Variants in SCN10A observed in about 807,000 individuals in gnomAD.
The protein encoded by SCN10A is sodium voltage-gated channel alpha subunit 10, also known as sodium channel protein type 10 subunit alpha.
SCN10A carries 162 observed loss-of-function variants against 170.7 expected under a neutral mutation model. The ratio of observed to expected loss-of-function variants is 0.95; its 90% confidence interval spans 0.84 to 1.08. The LOEUF (loss-of-function observed/expected upper bound fraction) is 1.08. Ranked by LOEUF, SCN10A falls within the 50% of genes least tolerant of loss-of-function variation. The pLI, the probability that SCN10A is intolerant of heterozygous loss-of-function variation, is 0.00. For missense variants in SCN10A, 2,527 were observed against 2,436.9 expected, an observed-to-expected ratio of 1.04 and a Z score of -0.78; for synonymous variants, 985 against 904.6, an observed-to-expected ratio of 1.09 and a Z score of -1.59.
rs1443123896 is a variant in SCN10A at position 38,792,079 on chromosome 3, T to C, written c.360A>G (p.Arg120=). 2.5e-6 allele frequency: 4 copies of C among 1,613,786 alleles called. No individual in the cohort carries two copies. Reference sequence around the variant, plus strand: ...GGACAGACACTTTGATGGCCGTTCTTCTGATCAGGTTGAAAGGACTGAATA... The same window carrying C: ...GGACAGACACTTTGATGGCCGTTCTCCTGATCAGGTTGAAAGGACTGAATA... The part of the protein sequence containing the change: ...LWLFSPFNLI[R]RTAIKVSVHS... Residue 120 remains arginine, a synonymous_variant, in exon 3 of 28, where the codon AGA becomes AGG. Coordinates refer to ENST00000449082, the MANE Select transcript of SCN10A (RefSeq NM_006514.4).
In SCN10A at chr3:38,788,601, T is replaced by A. The variant is rs1030158501; in HGVS notation, c.470+355A>T. Among the ~76,000 whole-genome samples the A allele has an allele frequency of 4.5e-5, 6 of 133,700 alleles. 1 individual carries two copies. Among genetic ancestry groups the A allele is most frequent in the Admixed American group, 2.5e-4 (3 of 12,090 alleles). 87.7% of individuals were successfully genotyped at this position (133,700 alleles called of 152,430 possible). A position where few individuals can be genotyped will look rare whatever the true frequency, so the allele number is the denominator to read the frequency against. ...TACATTTGTGTGTGCATCTAGCAGG[T>A]GAGTGAGTGTGTGTGTGTTGGGGGG... is the stretch of plus-strand genomic sequence containing the variant. On this transcript the variant is annotated intron_variant, in intron 4 of 27. Coordinates refer to ENST00000449082, the MANE Select transcript of SCN10A (RefSeq NM_006514.4).
rs763004187 is a variant in SCN10A, at chr3:38,757,001, G to A, written c.1092+17C>T. On this transcript the variant is annotated intron_variant, in intron 9 of 27. Coordinates refer to ENST00000449082, the MANE Select transcript of SCN10A (RefSeq NM_006514.4). ...CAGCCTCCAACCAAGTCTGCGTGGGGGAATGCAGCTCAGTACCTGCTGGTA... is the reference window on the plus strand; with the variant it reads ...CAGCCTCCAACCAAGTCTGCGTGGGAGAATGCAGCTCAGTACCTGCTGGTA... 10 of 1,604,986 alleles carry A rather than the reference G, an allele frequency of 6.2e-6. No individual in the cohort carries two copies. The highest frequency in any genetic ancestry group is 8.5e-6 in the Non-Finnish European group (10 of 1,175,718).
In SCN10A at chr3:38,697,112, G is replaced by A. The variant is rs1301094950; in HGVS notation, c.*237C>T. On this transcript the variant is annotated 3_prime_UTR_variant, in exon 28 of 28. Transcript: ENST00000449082. ...TGGAGAGTAAGAGAACCCATGATCT[G>A]ATATTGAAATTCAGAAGGGAAATCA... is the stretch of plus-strand genomic sequence containing the variant. 6 of 567,138 alleles carry A rather than the reference G, an allele frequency of 1.1e-5. No homozygotes were observed. The highest frequency in any genetic ancestry group is 3.1e-5 in the Admixed American group (1 of 32,308). 35.1% of individuals were successfully genotyped at this position (567,138 alleles called of 1,614,324 possible).
At chr3:38,797,435 C>A (rs568735235) in intron 1 of SCN10A, among the ~76,000 whole-genome samples, 2 of 152,154 alleles carry the variant, frequency 1.3e-5, no homozygotes, top group Non-Finnish European at 2.9e-5. Context: ...TCTCCTCCTG[C>A]CTATTTGTAG....
intron 5 of SCN10A, among the ~76,000 whole-genome samples, chr3:38,769,352 C>T (rs2063972708): frequency 6.6e-6 from 1 of 150,460 alleles, no homozygotes; most frequent in Admixed American, 6.7e-5. Flanking sequence ...AATTCTCCTG[C>T]CTCAGTCTCC....
At chr3:38,701,721 C>A in intron 27 of SCN10A, 118 bp downstream of exon 27, 1 of 947,584 alleles carries the variant, frequency 1.1e-6, no homozygotes, top group Non-Finnish European at 1.6e-6. Flanking sequence ...ATACAGGGTT[C>A]TTCTAACATA....
chr3:38,760,721 T>C lies in SCN10A; in HGVS notation c.910A>G (p.Thr304Ala). The C allele has an allele frequency of 1.2e-6, 2 of 1,614,018 alleles. No homozygotes were observed. The highest frequency in any genetic ancestry group is 3.3e-4 in the Middle Eastern group (2 of 6,062). Residue 304 changes from threonine to alanine, a missense_variant, in exon 8 of 28, where the codon ACT becomes GCT. Coordinates refer to ENST00000449082, the MANE Select transcript of SCN10A (RefSeq NM_006514.4). ...KPDIYINKRG[T>A]SDPLLCGNGS... The stretch of plus-strand genomic sequence containing the variant: ...TTGCCACACAGTAAGGGGTCAGAAG[T>C]GCCTCGCTTATTTATGTAGATATCT...
At chr3:38,713,225 T>G (rs1435535929) in intron 22 of SCN10A, among the ~76,000 whole-genome samples, 1 of 152,008 alleles carries the variant, frequency 6.6e-6, no homozygotes, top group Non-Finnish European at 1.5e-5. Context: ...AGGGAAAAAT[T>G]TACAGGACCT....
intron 4 of SCN10A, among the ~76,000 whole-genome samples, chr3:38,785,079 T>C (rs1017839484): frequency 8.5e-5 from 13 of 152,200 alleles, no homozygotes; most frequent in African/African-American, 3.1e-4. Flanking sequence ...ATAGATTCAA[T>C]GTTATCCCCA....
chr3:38,767,984 A>G (rs897367155), intron 5 of SCN10A, among the ~76,000 whole-genome samples: 1 of 152,068 alleles, frequency 6.6e-6, no homozygotes, highest in African/African-American at 2.4e-5. Flanking sequence ...TTTTATCATT[A>G]TATATGTCCC....
intron 1 of SCN10A, among the ~76,000 whole-genome samples, chr3:38,795,195 G>A (rs1413400801): frequency 6.6e-6 from 1 of 151,954 alleles, no homozygotes; most frequent in African/African-American, 2.4e-5. Flanking sequence ...TCTACTCACT[G>A]TTTCCAGTCA....
At chr3:38,764,987 A>G (rs7610489) in intron 5 of SCN10A, among the ~76,000 whole-genome samples, 112,943 of 152,106 alleles carry the variant, frequency 0.74, 42,476 homozygotes, top group East Asian at 0.86. Context: ...TTTCCTGTTC[A>G]TTGGCCATTT....
chr3:38,697,907 G>T lies in SCN10A; in HGVS notation c.5313C>A (p.Leu1771=). 1 of 1,614,104 alleles carries T rather than the reference G, an allele frequency of 6.2e-7. No homozygotes were observed. The highest frequency in any genetic ancestry group is 1.1e-5 in the South Asian group (1 of 91,070). Residue 1771 remains leucine, a synonymous_variant, in exon 28 of 28, where the codon CTC becomes CTA. Transcript: ENST00000449082. ...FSALSDFADT[L]SGPLRIPKPN... Reference sequence around the variant, plus strand: ...GTTTTGGGATTCTCAGGGGACCAGAGAGAGTGTCTGCAAAGTCCGAGAGAG... The same window carrying T: ...GTTTTGGGATTCTCAGGGGACCAGATAGAGTGTCTGCAAAGTCCGAGAGAG...
intron 21 of SCN10A, among the ~76,000 whole-genome samples, chr3:38,717,565 C>G (rs2063345427): frequency 6.6e-6 from 1 of 152,252 alleles, no homozygotes; most frequent in African/African-American, 2.4e-5. Context: ...CCTGAAGCTG[C>G]TAGTGCATTG....
At chr3:38,753,616 T>C (rs2063772318) in intron 11 of SCN10A, among the ~76,000 whole-genome samples, 1 of 152,140 alleles carries the variant, frequency 6.6e-6, no homozygotes, top group Admixed American at 6.5e-5. Flanking sequence ...CCAAGGACTA[T>C]AGAACTCATA....
At chr3:38,788,701 T>A (rs541528275) in intron 4 of SCN10A, among the ~76,000 whole-genome samples, 3 of 152,008 alleles carry the variant, frequency 2.0e-5, no homozygotes, top group South Asian at 4.2e-4. Flanking sequence ...ATTTAAAAAA[T>A]CTCCCCAAAA....
intron 21 of SCN10A, among the ~76,000 whole-genome samples, chr3:38,714,638 GA>G (rs1469380190): frequency 6.6e-6 from 1 of 152,118 alleles, no homozygotes. Flanking sequence ...TTTGTAAAAT[GA>G]AAAAGTCAGA....
At chr3:38,709,367 A>G in intron 25 of SCN10A, 111 bp downstream of exon 25, 2 of 1,093,554 alleles carry the variant, frequency 1.8e-6, no homozygotes, top group East Asian at 2.5e-5. Context: ...TATTAAAGTG[A>G]TGGGCTGTGA....
In SCN10A at chr3:38,697,506, A is replaced by G; in HGVS notation, c.5714T>C (p.Leu1905Pro). The change falls in exon 28 of 28, where the codon CTC (leucine) becomes CCC (proline). Residue 1905 changes from leucine (L) to proline (P), a missense_variant. Leu to Pro is a moderately conservative substitution (Grantham distance 98). Transcript: ENST00000449082. ...AGAAGCAGTTTCAGATTTGTCTGGG[A>G]GTACACAATTTTCATTTGCTGTGAA... is the stretch of plus-strand genomic sequence containing the variant. Reference protein sequence around the residue: ...VAFTANENCVLPDKSETASAT... With the variant: ...VAFTANENCVPPDKSETASAT... 6.2e-7 allele frequency: 1 copy of G among 1,614,204 alleles called. No individual in the cohort carries two copies. The highest frequency in any genetic ancestry group is 1.1e-5 in the South Asian group (1 of 91,080).
Sources: gnomAD v4.1 joint callset for allele counts (sites outside exome capture counted in the v4.1 genomes callset) on GRCh38, gnomAD v4.1.1 for gene constraint, MANE v1.5 for transcripts, NCBI Gene and HGNC (gene_info 2026-07-23, HGNC 2026-07-21) for gene names.